SCFD2: variants seen among roughly 807,000 people sequenced by gnomAD.
SCFD2 encodes the protein sec1 family domain containing 2, also known as sec1 family domain-containing protein 2.
SCFD2 carries 54 observed loss-of-function variants against 58.9 expected under a neutral mutation model. The observed-to-expected ratio is 0.92, with a 90% confidence interval of 0.74 to 1.15. The LOEUF (loss-of-function observed/expected upper bound fraction) is 1.15. SCFD2 is among the 50% of genes most tolerant of loss of function. The probability of loss-of-function intolerance (pLI) is 0.00; values close to 1 mark genes in which losing one functional copy is unlikely to be tolerated. For missense variants in SCFD2, 805 were observed against 836.6 expected, an observed-to-expected ratio of 0.96 and a Z score of 0.47; for synonymous variants, 321 against 335.9, an observed-to-expected ratio of 0.96 and a Z score of 0.49.
At chr4:53,057,134 G>A (rs1337143010) in intron 5 of SCFD2, among the ~76,000 whole-genome samples, 1 of 152,116 alleles carries the variant, frequency 6.6e-6, no homozygotes, top group Non-Finnish European at 1.5e-5. Context: ...GCAGTGAGCT[G>A]AGATCGCACC....
intron 5 of SCFD2, among the ~76,000 whole-genome samples, chr4:53,033,005 C>G (rs549968355): frequency 6.6e-6 from 1 of 152,254 alleles, no homozygotes; most frequent in East Asian, 1.9e-4. Flanking sequence ...CCCAAATCAA[C>G]AGAATATATA....
At chr4:53,158,982 CTCTG>C (rs777676410) in intron 4 of SCFD2, among the ~76,000 whole-genome samples, 1 of 152,146 alleles carries the variant, frequency 6.6e-6, no homozygotes, top group Admixed American at 6.5e-5. Context: ...AAAGAAGCCT[CTCTG>C]TCTGTCTGCC....
chr4:52,948,742 C>T, intron 5 of SCFD2: 1 of 313,050 alleles, frequency 3.2e-6, no homozygotes, highest in Non-Finnish European at 6.4e-6. Context: ...TCTCCTTTTC[C>T]TGACAGTGTG....
At chr4:53,006,871 G>A (rs1232084065) in intron 5 of SCFD2, among the ~76,000 whole-genome samples, 2 of 152,134 alleles carry the variant, frequency 1.3e-5, no homozygotes, top group African/African-American at 2.4e-5. Flanking sequence ...TGAAGGGCAT[G>A]GACCCCACCT....
intron 5 of SCFD2, among the ~76,000 whole-genome samples, chr4:53,082,011 C>T (rs1176420751): frequency 1.3e-5 from 2 of 152,152 alleles, no homozygotes; most frequent in Non-Finnish European, 2.9e-5. Flanking sequence ...TAAGGTTCAT[C>T]CATGTTGTAG....
At chr4:53,201,891 ATTTG>A (rs1728253240) in intron 4 of SCFD2, among the ~76,000 whole-genome samples, 1 of 152,044 alleles carries the variant, frequency 6.6e-6, no homozygotes, top group Non-Finnish European at 1.5e-5. Flanking sequence ...TTTCTTGTAA[ATTTG>A]TTTGAGTTCA....
intron 5 of SCFD2, among the ~76,000 whole-genome samples, chr4:53,129,218 GAAAAC>G (rs5858206): frequency 0.85 from 126,526 of 148,676 alleles, 54,244 homozygotes; most frequent in South Asian, 0.91. Context: ...TATCTTGGAA[GAAAAC>G]AAAACAAAAC....
At chr4:53,133,489 C>G (rs1424308112) in intron 5 of SCFD2, among the ~76,000 whole-genome samples, 1 of 152,116 alleles carries the variant, frequency 6.6e-6, no homozygotes, top group East Asian at 1.9e-4. Context: ...AACGTCCATG[C>G]CTTGTGCTAA....
chr4:53,244,384 C>T (rs748034447), intron 4 of SCFD2, among the ~76,000 whole-genome samples: 1 of 151,966 alleles, frequency 6.6e-6, no homozygotes, highest in Non-Finnish European at 1.5e-5. Context: ...TAAAATCATA[C>T]CAACCAGTCT....
chr4:53,355,565 A>G (rs1248422558), intron 1 of SCFD2, among the ~76,000 whole-genome samples: 4 of 152,020 alleles, frequency 2.6e-5, no homozygotes, highest in African/African-American at 9.7e-5. Flanking sequence ...CAATCCTCAT[A>G]CTCTTTACAT....
chr4:53,219,194 G>A (rs1005898336), intron 4 of SCFD2, among the ~76,000 whole-genome samples: 1 of 152,202 alleles, frequency 6.6e-6, no homozygotes, highest in African/African-American at 2.4e-5. Context: ...GTCTGCAGAG[G>A]TTTCTGCTGC....
intron 5 of SCFD2, among the ~76,000 whole-genome samples, chr4:53,088,946 G>T (rs988558933): frequency 5.3e-5 from 8 of 151,766 alleles, no homozygotes; most frequent in African/African-American, 1.7e-4. Flanking sequence ...AGGCCATGAG[G>T]GCAGAGTCCT....
chr4:53,332,633 C>T (rs1261346217), intron 2 of SCFD2, among the ~76,000 whole-genome samples: 2 of 152,114 alleles, frequency 1.3e-5, no homozygotes, highest in African/African-American at 2.4e-5. Flanking sequence ...AAACCCACAG[C>T]CAATATCATA....
intron 5 of SCFD2, among the ~76,000 whole-genome samples, chr4:52,927,830 C>T (rs527814478): frequency 2.0e-5 from 3 of 152,224 alleles, no homozygotes; most frequent in South Asian, 4.2e-4. Context: ...TGAGTGATTC[C>T]GGTGACTGGG....
intron 2 of SCFD2, among the ~76,000 whole-genome samples, chr4:53,340,174 T>A (rs1733818421): frequency 6.6e-6 from 1 of 151,882 alleles, no homozygotes; most frequent in Admixed American, 6.6e-5. Flanking sequence ...AGGCATCACC[T>A]TACCTGGGAA....
intron 5 of SCFD2, among the ~76,000 whole-genome samples, chr4:52,927,039 C>A (rs1719879756): frequency 6.6e-6 from 1 of 152,110 alleles, no homozygotes; most frequent in African/African-American, 2.4e-5. Context: ...TGTATAAAAC[C>A]CCTCTTGAGT....
chr4:53,018,763 C>A (rs778666485), intron 5 of SCFD2, among the ~76,000 whole-genome samples: 10 of 152,166 alleles, frequency 6.6e-5, no homozygotes, highest in African/African-American at 9.7e-5. Flanking sequence ...GCCAGCCTGA[C>A]CTTGCTCATT....
chr4:53,158,007 TA>T (rs113367620), intron 4 of SCFD2, among the ~76,000 whole-genome samples: 13,329 of 152,202 alleles, frequency 0.088, 929 homozygotes, highest in Middle Eastern at 0.19. Flanking sequence ...TCTGCACTTC[TA>T]AAAAACTTCC....
intron 4 of SCFD2, among the ~76,000 whole-genome samples, chr4:53,154,516 C>A (rs1726606185): frequency 6.6e-6 from 1 of 152,224 alleles, no homozygotes; most frequent in Admixed American, 6.5e-5. Flanking sequence ...GGCCCCACCT[C>A]CAACATTGAG....
Sources: gnomAD v4.1 joint callset for allele counts (sites outside exome capture counted in the v4.1 genomes callset) on GRCh38, gnomAD v4.1.1 for gene constraint, MANE v1.5 for transcripts, NCBI Gene and HGNC (gene_info 2026-07-23, HGNC 2026-07-21) for gene names.